MBIP: variants seen among roughly 807,000 people sequenced by gnomAD.
The protein encoded by MBIP is MAP3K12-binding inhibitory protein 1.
MBIP carries 32 observed loss-of-function variants against 45.7 expected under a neutral mutation model. The observed-to-expected ratio is 0.70, with a 90% CI of 0.53 to 0.94. The LOEUF is 0.94. Among genes scored for constraint, MBIP ranks in the 40% least tolerant of loss-of-function variants. The pLI is 0.00. For synonymous variants in MBIP, 145 were observed against 141.0 expected, an observed-to-expected ratio of 1.03 and a Z score of -0.20; for missense variants, 381 against 405.5, an observed-to-expected ratio of 0.94 and a Z score of 0.52.
chr14:36,304,694 T>C (rs1879769423), intron 7 of MBIP, among the ~76,000 whole-genome samples: 1 of 152,256 alleles, frequency 6.6e-6, no homozygotes. Flanking sequence ...TCCTGTTTTA[T>C]ACACATATAA....
intron 7 of MBIP, among the ~76,000 whole-genome samples, chr14:36,304,810 G>GT (rs1879775433): frequency 6.6e-6 from 1 of 152,056 alleles, no homozygotes; most frequent in Non-Finnish European, 1.5e-5. Context: ...ATAAATATTT[G>GT]TTTTTCTATG....
Position 36,308,197 on chromosome 14 carries a change from C to A in MBIP, c.791-8G>T. 2.8e-6 allele frequency: 4 copies of A among 1,412,006 alleles called. No individual in the cohort carries two copies. Among genetic ancestry groups the A allele is most frequent in the Admixed American group, 2.1e-5 (1 of 48,226 alleles). 87.5% of individuals were successfully genotyped at this position (1,412,006 alleles called of 1,614,324 possible). The stretch of plus-strand genomic sequence containing the variant: ...CTCTTGGCACTGGACCACCTAAATA[C>A]ATTAAAAAAAAATCTGAGATACTAT... On this transcript the variant is annotated splice_polypyrimidine_tract_variant and splice_region_variant and intron_variant, in intron 6 of 8. Coordinates refer to ENST00000416007, the MANE Select transcript of MBIP (RefSeq NM_016586.3).
At chr14:36,319,690 C>A in intron 1 of MBIP, 1 of 233,720 alleles carries the variant, frequency 4.3e-6, no homozygotes, top group South Asian at 4.1e-5. Flanking sequence ...AAAATATTTC[C>A]TTTTAAAAGG....
chr14:36,304,043 T>C (rs1034742757), intron 7 of MBIP, among the ~76,000 whole-genome samples: 2 of 152,196 alleles, frequency 1.3e-5, no homozygotes, highest in Non-Finnish European at 1.5e-5. Context: ...CTGGTTAGTG[T>C]GACCTTCAAG....
intron 1 of MBIP, 47 bp downstream of exon 1, chr14:36,320,413 G>A (rs779312626): frequency 4.6e-5 from 74 of 1,612,396 alleles, no homozygotes; most frequent in Non-Finnish European, 6.1e-5. Context: ...ATGGCGAGGA[G>A]GGACCGGATG....
intron 6 of MBIP, 61 bp downstream of exon 6, chr14:36,311,512 C>T (rs1880202504): frequency 2.7e-6 from 4 of 1,500,464 alleles, no homozygotes; most frequent in Non-Finnish European, 3.6e-6. Context: ...ACTAAATGAA[C>T]TGCAATTTTT....
intron 1 of MBIP, among the ~76,000 whole-genome samples, chr14:36,318,843 A>T (rs944466029): frequency 6.6e-6 from 1 of 151,948 alleles, no homozygotes; most frequent in East Asian, 1.9e-4. Flanking sequence ...GAAAATACTG[A>T]TTTCTCTGGG....
In MBIP at chr14:36,298,613, T is replaced by G. The variant is rs1879343467; in HGVS notation, c.*470A>C. On this transcript the variant is annotated 3_prime_UTR_variant, in exon 9 of 9. Coordinates refer to ENST00000416007, the MANE Select transcript of MBIP (RefSeq NM_016586.3). Reference sequence around the variant, plus strand: ...ACATGAATACTGACATCTTAAAGATTAAGAAAAACAAGTTCATACACATGC... The same window carrying G: ...ACATGAATACTGACATCTTAAAGATGAAGAAAAACAAGTTCATACACATGC... The G allele has an allele frequency of 6.5e-6, 1 of 153,956 alleles. No homozygotes were observed. The highest frequency in any genetic ancestry group is 1.4e-5 in the Non-Finnish European group (1 of 69,108). The allele number at this position is 153,956 out of a possible 1,614,324, so 9.5% of individuals were successfully genotyped here.
At chr14:36,312,284 T>C (rs917719609) in intron 4 of MBIP, among the ~76,000 whole-genome samples, 1 of 152,108 alleles carries the variant, frequency 6.6e-6, no homozygotes, top group Admixed American at 6.6e-5. Context: ...GTGGCACAAA[T>C]TGATACAATT....
rs531116529 is a variant in MBIP, at chr14:36,305,212, G to T, written c.888+2880C>A. On this transcript the variant is annotated intron_variant, in intron 7 of 8. Coordinates refer to ENST00000416007, the MANE Select transcript of MBIP (RefSeq NM_016586.3). ...TAGAGCTGACTGTATTCCAAGTGAGGTTCCTAAAGATGGCTCATTCATCCT... is the reference window on the plus strand; with the variant it reads ...TAGAGCTGACTGTATTCCAAGTGAGTTTCCTAAAGATGGCTCATTCATCCT... The T allele has an allele frequency of 2.6e-5, 4 of 152,290 alleles. No homozygotes were observed. In the South Asian group the frequency reaches 8.3e-4, roughly 32 times the overall value. The allele number at this position is 152,290 out of a possible 1,614,324, so 9.4% of individuals were successfully genotyped here.
chr14:36,313,306 A>G (rs559159584), intron 4 of MBIP: 4 of 152,262 alleles, frequency 2.6e-5, no homozygotes, highest in South Asian at 4.1e-4. Flanking sequence ...TGAGAAATTC[A>G]GCATGGTGTG....
At chr14:36,300,664 C>G in intron 8 of MBIP, 121 bp downstream of exon 8, 2 of 635,014 alleles carry the variant, frequency 3.1e-6, no homozygotes, top group Non-Finnish European at 5.3e-6. Context: ...CCCTTTTCTT[C>G]AGTCCTAAAT....
intron 4 of MBIP, chr14:36,314,307 C>T (rs1880405919): frequency 2.2e-6 from 1 of 457,060 alleles, no homozygotes; most frequent in African/African-American, 2.1e-5. Flanking sequence ...TTAGCATTTA[C>T]TTTGTGTAAC....
chr14:36,319,086 T>C (rs1880739179), intron 1 of MBIP, among the ~76,000 whole-genome samples: 1 of 151,838 alleles, frequency 6.6e-6, no homozygotes, highest in Non-Finnish European at 1.5e-5. Context: ...CTTGAATGTT[T>C]AAAATTTTCT....
intron 7 of MBIP, among the ~76,000 whole-genome samples, chr14:36,307,424 T>TA (rs1272346804): frequency 6.6e-6 from 1 of 151,890 alleles, no homozygotes; most frequent in East Asian, 1.9e-4. Context: ...AAACAAAACT[T>TA]AGAGAAGGCA....
At chr14:36,311,878 A>G in intron 5 of MBIP, 81 bp downstream of exon 5, 3 of 1,266,990 alleles carry the variant, frequency 2.4e-6, no homozygotes, top group Non-Finnish European at 3.3e-6. Flanking sequence ...TAAAATTTAG[A>G]TGGGAAAGTT....
chr14:36,302,172 G>T (rs1398894816), intron 7 of MBIP, among the ~76,000 whole-genome samples: 1 of 152,208 alleles, frequency 6.6e-6, no homozygotes, highest in East Asian at 1.9e-4. Context: ...TTCCTAAGAG[G>T]TGGCTTTTTA....
Position 36,314,856 on chromosome 14 carries a change from CTCT to C in MBIP, c.306_308del (p.Glu103del). 6.2e-7 allele frequency: 1 copy of C among 1,613,480 alleles called. No homozygotes were observed. The highest frequency in any genetic ancestry group is 8.5e-7 in the Non-Finnish European group (1 of 1,179,650). ...TGTTCCCCATTTCTGTTCTTCCTAT[CTCT>C]TCAACAGCAGTTGTATTCTCCTCTT... On this transcript the variant is annotated inframe_deletion, in exon 3 of 9. Transcript: ENST00000416007.
At chr14:36,316,340 C>T (rs1303007961) in intron 2 of MBIP, among the ~76,000 whole-genome samples, 1 of 152,094 alleles carries the variant, frequency 6.6e-6, no homozygotes, top group Non-Finnish European at 1.5e-5. Context: ...CATGAGCCTC[C>T]AAACTCACCC....
Sources: allele counts gnomAD v4.1 joint callset (sites outside exome capture counted in the v4.1 genomes callset), GRCh38; gene constraint gnomAD v4.1.1; transcripts MANE v1.5; gene names NCBI Gene and HGNC (gene_info 2026-07-23, HGNC 2026-07-21).